Variants in ROPN1L observed in about 807,000 individuals in gnomAD.
ROPN1L encodes ropporin-1-like protein.
A neutral mutation model predicts 22.7 loss-of-function variants in ROPN1L; 23 were observed. That is an observed-to-expected ratio of 1.01 (90% CI 0.73 to 1.43). The LOEUF is 1.43. Ranked by LOEUF, ROPN1L falls within the 40% of genes most tolerant of loss-of-function variation. ROPN1L has a pLI of 0.00. For synonymous variants in ROPN1L, 116 were observed against 117.8 expected (o/e 0.98, Z 0.10); for missense variants, 271 against 291.5 (o/e 0.93, Z 0.51).
chr5:10,459,935 T>C (rs1190415761), intron 3 of ROPN1L, among the ~76,000 whole-genome samples: 2 of 152,162 alleles, frequency 1.3e-5, no homozygotes, highest in Non-Finnish European at 2.9e-5. Flanking sequence ...TTGCCATGTG[T>C]GTGTGTTGGC....
chr5:10,452,590 G>C (rs893975331), intron 3 of ROPN1L, among the ~76,000 whole-genome samples: 1 of 151,006 alleles, frequency 6.6e-6, no homozygotes, highest in Admixed American at 6.6e-5. Flanking sequence ...TGCCCGCCTC[G>C]GCCTCCCAAA....
rs532461914 is a variant in ROPN1L at position 10,450,495 on chromosome 5, A to ATTG, written c.417+384_417+385insGTT. Among the ~76,000 whole-genome samples, 13 of 151,960 alleles carry ATTG rather than the reference A, an allele frequency of 8.6e-5. No individual in the cohort carries two copies. The South Asian group carries it at 1.3e-3, about 15-fold the overall frequency. On this transcript the variant is annotated intron_variant, in intron 3 of 4. Transcript: ENST00000274134. ...ACTTTAGTAGAAATCTATTATTATT[A>ATTG]TTTATTTATTCATTTTTTTTGAGAT...
intron 1 of ROPN1L, among the ~76,000 whole-genome samples, chr5:10,448,034 T>G (rs1249231602): frequency 6.6e-6 from 1 of 152,094 alleles, no homozygotes; most frequent in Non-Finnish European, 1.5e-5. Context: ...TCCCCAACCC[T>G]CCAACAGGGA....
downstream of ROPN1L, among the ~76,000 whole-genome samples, chr5:10,466,370 C>T (rs895558796): frequency 5.3e-5 from 8 of 152,248 alleles, no homozygotes; most frequent in South Asian, 2.1e-4. Context: ...CCCCTGCCTC[C>T]TCTAACCCTG....
At chr5:10,469,847 G>A (rs1735217722), downstream of ROPN1L, among the ~76,000 whole-genome samples, 1 of 152,240 alleles carries the variant, frequency 6.6e-6, no homozygotes, top group Non-Finnish European at 1.5e-5. Flanking sequence ...TGCTTACCCA[G>A]CATGGTGGAG....
chr5:10,456,978 T>C (rs75233300), intron 3 of ROPN1L, among the ~76,000 whole-genome samples: 229 of 152,288 alleles, frequency 1.5e-3, no homozygotes, highest in Non-Finnish European at 2.3e-3. Context: ...GGACTTCCAT[T>C]TGTGTCCAGT....
chr5:10,450,035 G>A lies in ROPN1L; in HGVS notation c.339G>A (p.Ala113=), dbSNP rs557389140. ...GCCTGCCGAAGGAAAAATTCAAAGCGCTCTTACAACTGGATCCTTGTGAAA... is the reference window on the plus strand; with the variant it reads ...GCCTGCCGAAGGAAAAATTCAAAGCACTCTTACAACTGGATCCTTGTGAAA... ...NLCLPKEKFK[A]LLQLDPCENK... is the part of the protein sequence containing the mutation. Residue 113 remains alanine, a synonymous_variant, in exon 3 of 5, where the codon GCG becomes GCA. Coordinates refer to ENST00000274134, the MANE Select transcript of ROPN1L (RefSeq NM_031916.5). 3.1e-5 allele frequency: 50 copies of A among 1,613,828 alleles called. No individual in the cohort carries two copies. The African/African-American group carries it at 4.7e-4, about 15-fold the overall frequency.
intron 4 of ROPN1L, among the ~76,000 whole-genome samples, chr5:10,462,000 G>A (rs1045640454): frequency 6.6e-6 from 1 of 152,146 alleles, no homozygotes; most frequent in African/African-American, 2.4e-5. Flanking sequence ...AACTTTCTAA[G>A]CCCTGTCCTT....
downstream of ROPN1L, among the ~76,000 whole-genome samples, chr5:10,469,999 T>G (rs1735219770): frequency 6.6e-6 from 1 of 152,256 alleles, no homozygotes; most frequent in Non-Finnish European, 1.5e-5. Context: ...GAATCTAACT[T>G]ACAAATCGTT....
downstream of ROPN1L, among the ~76,000 whole-genome samples, chr5:10,476,414 C>T (rs1389313577): frequency 6.6e-6 from 1 of 152,228 alleles, no homozygotes; most frequent in African/African-American, 2.4e-5. Context: ...TCTTTTAGTG[C>T]TGAAAAGTAG....
downstream of ROPN1L, among the ~76,000 whole-genome samples, chr5:10,469,550 T>G (rs1161852406): frequency 6.6e-6 from 1 of 152,148 alleles, no homozygotes; most frequent in Non-Finnish European, 1.5e-5. Flanking sequence ...CTGCTTTTCC[T>G]TAATTGCAGT....
downstream of ROPN1L, among the ~76,000 whole-genome samples, chr5:10,474,477 C>T (rs1257736351): frequency 6.6e-6 from 1 of 152,202 alleles, no homozygotes; most frequent in Non-Finnish European, 1.5e-5. Context: ...TGAGGATGGC[C>T]TCTAGGATTT....
chr5:10,468,068 T>C (rs778102428), downstream of ROPN1L, among the ~76,000 whole-genome samples: 18 of 152,196 alleles, frequency 1.2e-4, no homozygotes, highest in Non-Finnish European at 2.5e-4. Context: ...TCTGTCCCTG[T>C]CCCTCCCCCA....
downstream of ROPN1L, among the ~76,000 whole-genome samples, chr5:10,476,187 G>A (rs376281059): frequency 7.2e-4 from 110 of 152,356 alleles, no homozygotes; most frequent in African/African-American, 2.6e-3. Context: ...TTGATCACAT[G>A]GAAGAAGTGA....
chr5:10,455,936 T>C (rs564816265), intron 3 of ROPN1L, among the ~76,000 whole-genome samples: 3 of 150,754 alleles, frequency 2.0e-5, no homozygotes, highest in African/African-American at 2.4e-5. Flanking sequence ...GAGGGGGACC[T>C]CCTTTGTTCT....
the ROPN1L span, among the ~76,000 whole-genome samples, chr5:10,480,594 A>G: frequency 6.6e-6 from 1 of 152,014 alleles, no homozygotes; most frequent in East Asian, 1.9e-4. Flanking sequence ...CCCATCCTCC[A>G]GGCATGCCAG....
At chr5:10,459,332 A>C (rs1292664078) in intron 3 of ROPN1L, among the ~76,000 whole-genome samples, 42 of 148,734 alleles carry the variant, frequency 2.8e-4, no homozygotes, top group African/African-American at 6.8e-4. Flanking sequence ...TTCCACCCTC[A>C]TCACTGGGTT....
At chr5:10,449,023 C>T (rs1185208213) in intron 2 of ROPN1L, among the ~76,000 whole-genome samples, 5 of 152,240 alleles carry the variant, frequency 3.3e-5, no homozygotes, top group Admixed American at 2.6e-4. Flanking sequence ...TTCAAACTGA[C>T]TTATCCCCAT....
intron 3 of ROPN1L, among the ~76,000 whole-genome samples, chr5:10,451,290 C>T (rs955842330): frequency 6.6e-6 from 1 of 152,198 alleles, no homozygotes; most frequent in Non-Finnish European, 1.5e-5. Context: ...CAAGGCTACC[C>T]AATGTGGCCA....
Sources: allele counts gnomAD v4.1 joint callset (sites outside exome capture counted in the v4.1 genomes callset), GRCh38; gene constraint gnomAD v4.1.1; transcripts MANE v1.5; gene names NCBI Gene and HGNC (gene_info 2026-07-23, HGNC 2026-07-21).